The following CDYL variants were observed in gnomAD, a reference collection of about 807,000 sequenced individuals.
CDYL encodes chromodomain Y-like protein.
In CDYL, 8 loss-of-function variants were observed where a neutral mutation model predicts 47.3. The observed-to-expected ratio is 0.17, with a 90% CI of 0.10 to 0.31. The LOEUF is 0.31. Among genes scored for constraint, CDYL ranks in the 10% least tolerant of loss-of-function variants. CDYL has a pLI of 1.00. For synonymous variants in CDYL, 266 were observed against 265.0 expected, an observed-to-expected ratio of 1.00 and a Z score of -0.04; for missense variants, 471 against 701.4, an observed-to-expected ratio of 0.67 and a Z score of 3.71.
At chr6:4,749,531 G>A (rs1022830439) in intron 3 of CDYL, among the ~76,000 whole-genome samples, 3 of 152,108 alleles carry the variant, frequency 2.0e-5, no homozygotes, top group Non-Finnish European at 4.4e-5. Flanking sequence ...TTCTATTTAG[G>A]GCTGCCACCA....
intron 1 of CDYL, among the ~76,000 whole-genome samples, chr6:4,808,428 G>A (rs943675876): frequency 2.0e-5 from 3 of 152,074 alleles, no homozygotes; most frequent in Non-Finnish European, 2.9e-5. Flanking sequence ...TCCATACTCC[G>A]CTGTCTGTAA....
Position 4,716,016 on chromosome 6 carries a change from AGGCG to A in CDYL, c.103+141_103+144del. ...ATAATCCCAGCACTTTGGGAGGCCGAGGCGGGCGGATCATGAGGTCAGGAGATCG... is the reference window on the plus strand; with the variant it reads ...ATAATCCCAGCACTTTGGGAGGCCGAGGCGGATCATGAGGTCAGGAGATCG... On this transcript the variant is annotated intron_variant, in intron 2 of 8. Coordinates refer to the CDYL transcript ENST00000328908. 3.8e-6 allele frequency: 5 copies of A among 1,329,198 alleles called. No homozygotes were observed. The South Asian group carries it at 7.6e-5, about 20-fold the overall frequency. The allele number at this position is 1,329,198 out of a possible 1,614,324, so 82.3% of individuals were successfully genotyped here. A position where few individuals can be genotyped will look rare whatever the true frequency, so the allele number is the denominator to read the frequency against.
At chr6:4,747,289 A>G (rs898722170) in intron 3 of CDYL, among the ~76,000 whole-genome samples, 3 of 141,216 alleles carry the variant, frequency 2.1e-5, no homozygotes, top group African/African-American at 7.9e-5. Flanking sequence ...CCTGGGCGAC[A>G]CAGCATGACT....
intron 5 of CDYL, among the ~76,000 whole-genome samples, chr6:4,945,804 ACT>A (rs1271147493): frequency 6.6e-6 from 1 of 152,018 alleles, no homozygotes; most frequent in Non-Finnish European, 1.5e-5. Context: ...TAGCCACAGG[ACT>A]CTCGGGTCCT....
chr6:4,948,437 C>T (rs1445766350), intron 5 of CDYL, among the ~76,000 whole-genome samples: 2 of 152,146 alleles, frequency 1.3e-5, no homozygotes, highest in African/African-American at 4.8e-5. Context: ...CGTGTTTCTC[C>T]CTACTCTACA....
At chr6:4,933,640 C>A (rs945867261) in intron 2 of CDYL, among the ~76,000 whole-genome samples, 1 of 152,156 alleles carries the variant, frequency 6.6e-6, no homozygotes, top group African/African-American at 2.4e-5. Flanking sequence ...GGAGAAGGAT[C>A]TGGTAGGGTA....
At chr6:4,924,232 T>C (rs1757801432) in intron 2 of CDYL, among the ~76,000 whole-genome samples, 1 of 152,212 alleles carries the variant, frequency 6.6e-6, no homozygotes, top group African/African-American at 2.4e-5. Flanking sequence ...GGCACTTAAT[T>C]TTTTGGAGTT....
chr6:4,776,908 G>C (rs1758474586), intron 1 of CDYL, 101 bp downstream of exon 1: 1 of 399,318 alleles, frequency 2.5e-6, no homozygotes, highest in Non-Finnish European at 3.4e-6. Flanking sequence ...CGCCCGCCGC[G>C]TCCCCTCCCC....
chr6:4,931,506 C>T (rs1489372584), intron 2 of CDYL, among the ~76,000 whole-genome samples: 2 of 152,238 alleles, frequency 1.3e-5, no homozygotes, highest in East Asian at 1.9e-4. Flanking sequence ...GAGATGGGCA[C>T]AACCCTGGGT....
chr6:4,719,956 T>C (rs1454388141), intron 2 of CDYL, among the ~76,000 whole-genome samples: 1 of 152,228 alleles, frequency 6.6e-6, no homozygotes, highest in African/African-American at 2.4e-5. Flanking sequence ...TCCTCTGGCC[T>C]CTGTATTTCT....
At chr6:4,838,504 G>A (rs1760391791) in intron 1 of CDYL, among the ~76,000 whole-genome samples, 1 of 152,196 alleles carries the variant, frequency 6.6e-6, no homozygotes, top group South Asian at 2.1e-4. Flanking sequence ...ATGGTTGAGA[G>A]TATTCTATGG....
intron 5 of CDYL, among the ~76,000 whole-genome samples, chr6:4,948,618 C>T (rs1013067114): frequency 6.6e-6 from 1 of 152,168 alleles, no homozygotes; most frequent in East Asian, 1.9e-4. Context: ...GGCTGGGGTA[C>T]TGCTCGGCAC....
intron 1 of CDYL, among the ~76,000 whole-genome samples, chr6:4,828,470 T>TGAGA (rs1388697828): frequency 2.6e-5 from 4 of 152,084 alleles, no homozygotes; most frequent in African/African-American, 9.7e-5. Flanking sequence ...TTCCATGATT[T>TGAGA]CTGTTGAGAA....
At chr6:4,841,310 A>C (rs1760482425) in intron 1 of CDYL, among the ~76,000 whole-genome samples, 1 of 151,816 alleles carries the variant, frequency 6.6e-6, no homozygotes, top group South Asian at 2.1e-4. Flanking sequence ...TGTCTTGGTT[A>C]ATCTCACTAA....
At chr6:4,836,755 G>T (rs1450656732) in intron 1 of CDYL, among the ~76,000 whole-genome samples, 1 of 152,182 alleles carries the variant, frequency 6.6e-6, no homozygotes, top group Non-Finnish European at 1.5e-5. Context: ...TCTCTAGTGT[G>T]GCTGAAGGAA....
intron 3 of CDYL, among the ~76,000 whole-genome samples, chr6:4,745,743 G>A (rs1054331852): frequency 2.0e-5 from 3 of 152,208 alleles, no homozygotes; most frequent in Admixed American, 6.5e-5. Context: ...TGTCTGCAAC[G>A]AGAGGCAGCT....
chr6:4,892,259 T>G lies in CDYL; in HGVS notation c.571T>G (p.Leu191Val). The change falls in exon 2 of 7, where the codon TTG (leucine) becomes GTG (valine). Residue 191 changes from leucine (L) to valine (V), a missense_variant. Physicochemically the swap from Leu to Val is conservative, Grantham distance 32. This residue lies in a region of CDYL where 311 missense variants were observed against 350.0 expected (regional missense o/e 0.89). Coordinates refer to ENST00000397588, the MANE Select transcript of CDYL (RefSeq NM_004824.4). ...AGCGGAAAAGCCGGTCGGAGCTTTA[T>G]TGGGCCCCGGTGCCGAGAGGGCCAG... ...VAAEKPVGAL[L>V]GPGAERARMG... The G allele has an allele frequency of 6.2e-7, 1 of 1,614,176 alleles. No homozygotes were observed. The highest frequency in any genetic ancestry group is 2.2e-5 in the East Asian group (1 of 44,874).
chr6:4,851,376 A>C (rs1168088363), intron 1 of CDYL, among the ~76,000 whole-genome samples: 1 of 152,220 alleles, frequency 6.6e-6, no homozygotes, highest in African/African-American at 2.4e-5. Flanking sequence ...GTCAGAAAAG[A>C]ATCATGAGTG....
chr6:4,790,216 T>TTCAAA (rs1456391761), intron 1 of CDYL, among the ~76,000 whole-genome samples: 1 of 152,218 alleles, frequency 6.6e-6, no homozygotes, highest in Non-Finnish European at 1.5e-5. Flanking sequence ...AGCCTTGAGT[T>TTCAAA]TATAAAGTAC....
Sources: gnomAD v4.1 joint callset for allele counts (sites outside exome capture counted in the v4.1 genomes callset) on GRCh38, gnomAD v4.1.1 for gene constraint, gnomAD v4.1.1 regional missense constraint, MANE v1.5 for transcripts, NCBI Gene and HGNC (gene_info 2026-07-23, HGNC 2026-07-21) for gene names.